The following TARS3 variants were observed in gnomAD, a reference collection of about 807,000 sequenced individuals.
The protein encoded by TARS3 is threonyl-tRNA synthetase 3, also known as threonine--tRNA ligase 2, cytoplasmic.
A neutral mutation model predicts 103.5 loss-of-function variants in TARS3; 94 were observed. The observed-to-expected ratio is 0.91, with a 90% CI of 0.77 to 1.08. The LOEUF is 1.08. TARS3 is among the 50% of genes least tolerant of loss of function. The pLI is 0.00. For synonymous variants in TARS3, 416 were observed against 355.4 expected (o/e 1.17, Z -1.92); for missense variants, 952 against 995.2 (o/e 0.96, Z 0.58).
At chr15:101,718,872 T>C (rs1900304479) in intron 3 of TARS3, among the ~76,000 whole-genome samples, 1 of 152,204 alleles carries the variant, frequency 6.6e-6, no homozygotes, top group Non-Finnish European at 1.5e-5. Flanking sequence ...AAACAAATCA[T>C]AAGCTCAGCT....
intron 5 of TARS3, among the ~76,000 whole-genome samples, chr15:101,710,035 C>A (rs1004511247): frequency 6.6e-6 from 1 of 152,216 alleles, no homozygotes; most frequent in Non-Finnish European, 1.5e-5. Context: ...TTCAGCACCC[C>A]CACCTGCCTC....
chr15:101,655,468 G>A (rs1271684779), intron 18 of TARS3, among the ~76,000 whole-genome samples: 3 of 139,452 alleles, frequency 2.2e-5, no homozygotes, highest in Non-Finnish European at 4.6e-5. Flanking sequence ...CCTGGCACTA[G>A]GGCGCAAATG....
intron 10 of TARS3, among the ~76,000 whole-genome samples, chr15:101,698,240 G>C (rs1899079060): frequency 6.6e-6 from 1 of 152,182 alleles, no homozygotes; most frequent in African/African-American, 2.4e-5. Flanking sequence ...GCTGAGGCAG[G>C]AGAATGGCGT....
chr15:101,724,259 G>A lies in TARS3; in HGVS notation c.129C>T (p.Cys43=), dbSNP rs771789959. The A allele has an allele frequency of 7.7e-6, 12 of 1,565,044 alleles. No individual in the cohort carries two copies. The South Asian group carries it at 1.1e-4, about 14-fold the overall frequency. Residue 43 remains cysteine (C), a synonymous_variant, in exon 1 of 19, where the codon TGC becomes TGT. Coordinates refer to ENST00000335968, the MANE Select transcript of TARS3 (RefSeq NM_152334.3). The stretch of plus-strand genomic sequence containing the variant: ...GCGTGAGGCACGGCCCCTCCGCCTG[G>A]CAGCTGTAGGGCGCGTTCAGCTGCT... ...RDEQLNAPYS[C]QAEGPCLTRE...
Position 101,661,763 on chromosome 15 carries a change from C to A in TARS3, c.2021G>T (p.Gly674Val), listed in dbSNP as rs757829248. 1 of 1,608,090 alleles carries A rather than the reference C, an allele frequency of 6.2e-7. No homozygotes were observed. Among genetic ancestry groups the A allele is most frequent in the Non-Finnish European group, 8.5e-7 (1 of 1,176,886 alleles). Residue 674 changes from glycine to valine, a missense_variant, in exon 16 of 19, where the codon GGA (glycine) becomes GTA (valine). Gly to Val is a moderately radical substitution (Grantham distance 109). Transcript: ENST00000335968. ...RPVIIHRAIL[G>V]SVERMIAILS... Reference sequence around the variant, plus strand: ...AATGGCTATCATTCTTTCCACTGATCCCAAAATGGCTCGATGAATGATCAC... The same window carrying A: ...AATGGCTATCATTCTTTCCACTGATACCAAAATGGCTCGATGAATGATCAC...
Position 101,708,985 on chromosome 15 carries a change from T to C in TARS3, c.813-75A>G, listed in dbSNP as rs1596322931. The C allele has an allele frequency of 2.1e-5, 20 of 952,536 alleles. No individual in the cohort carries two copies. The East Asian group carries it at 5.3e-4, about 25-fold the overall frequency. 59.0% of individuals were successfully genotyped at this position (952,536 alleles called of 1,614,324 possible). Reference sequence around the variant, plus strand: ...TCCCTCTTTCCTTTGTCCTGGAGCCTCAGCAGCCATAAATTTGAATCTGCT... The same window carrying C: ...TCCCTCTTTCCTTTGTCCTGGAGCCCCAGCAGCCATAAATTTGAATCTGCT... On this transcript the variant is annotated intron_variant, in intron 5 of 18. Coordinates refer to ENST00000335968, the MANE Select transcript of TARS3 (RefSeq NM_152334.3).
At chr15:101,706,485 T>C (rs775894066) in intron 6 of TARS3, among the ~76,000 whole-genome samples, 24 of 152,148 alleles carry the variant, frequency 1.6e-4, no homozygotes, top group Non-Finnish European at 3.2e-4. Context: ...AAAATGTAGC[T>C]GCCATAAAAT....
At chr15:101,723,789 G>T (rs1211019410) in intron 1 of TARS3, among the ~76,000 whole-genome samples, 1 of 152,236 alleles carries the variant, frequency 6.6e-6, no homozygotes, top group African/African-American at 2.4e-5. Context: ...AAACACTCCA[G>T]CATTTTTTCA....
intron 10 of TARS3, among the ~76,000 whole-genome samples, chr15:101,698,012 G>A (rs531089434): frequency 1.3e-5 from 2 of 152,330 alleles, no homozygotes; most frequent in South Asian, 2.1e-4. Flanking sequence ...GATTCCCCCA[G>A]CCTTCTACAG....
At chr15:101,700,643 C>CTTTTTTTTTTTTTTTTT (rs756944000) in intron 10 of TARS3, among the ~76,000 whole-genome samples, 1 of 145,074 alleles carries the variant, frequency 6.9e-6, no homozygotes, top group Non-Finnish European at 1.5e-5. Flanking sequence ...TAGTACCTCA[C>CTTTTTTTTTTTTTTTTT]TTTTTTTTTT....
At chr15:101,714,385 C>T (rs1009712257) in intron 4 of TARS3, among the ~76,000 whole-genome samples, 1 of 151,994 alleles carries the variant, frequency 6.6e-6, no homozygotes, top group Non-Finnish European at 1.5e-5. Context: ...AGGCATACTG[C>T]TCGAGCCCAG....
intron 7 of TARS3, among the ~76,000 whole-genome samples, chr15:101,704,990 A>G (rs1899481432): frequency 6.6e-6 from 1 of 152,222 alleles, no homozygotes; most frequent in Admixed American, 6.5e-5. Context: ...ATCTGTGGTT[A>G]TAATTAAATA....
intron 10 of TARS3, 21 bp downstream of exon 10, chr15:101,701,065 A>C (rs2141428677): frequency 1.4e-6 from 2 of 1,438,380 alleles, no homozygotes; most frequent in East Asian, 4.7e-5. Context: ...ATAAGAATAA[A>C]ACATTTTAAA....
chr15:101,698,560 G>T (rs1899096644), intron 10 of TARS3, among the ~76,000 whole-genome samples: 2 of 152,096 alleles, frequency 1.3e-5, no homozygotes, highest in Non-Finnish European at 2.9e-5. Flanking sequence ...TGACTACCAT[G>T]TGCCTCCTAC....
chr15:101,709,818 G>A (rs944092590), intron 5 of TARS3, among the ~76,000 whole-genome samples: 5 of 152,220 alleles, frequency 3.3e-5, no homozygotes, highest in South Asian at 4.1e-4. Flanking sequence ...AGAGATGAAC[G>A]GGATGTGATA....
intron 13 of TARS3, among the ~76,000 whole-genome samples, chr15:101,672,657 G>T (rs1235603637): frequency 6.6e-6 from 1 of 152,120 alleles, no homozygotes; most frequent in African/African-American, 2.4e-5. Context: ...CCTCAGTCAG[G>T]ATCTGATCTT....
At chr15:101,708,762 A>C (rs745409528) in intron 6 of TARS3, 31 bp downstream of exon 6, 1 of 1,374,808 alleles carries the variant, frequency 7.3e-7, no homozygotes, top group East Asian at 2.3e-5. Context: ...TAATATTCCT[A>C]GTAAGAGGTT....
chr15:101,660,681 G>T (rs770798416), intron 16 of TARS3, among the ~76,000 whole-genome samples: 5 of 152,162 alleles, frequency 3.3e-5, no homozygotes, highest in Non-Finnish European at 7.3e-5. Flanking sequence ...CATCCCGGGG[G>T]ATCACAATTA....
intron 5 of TARS3, among the ~76,000 whole-genome samples, chr15:101,709,595 A>G (rs938434760): frequency 1.3e-5 from 2 of 152,060 alleles, no homozygotes; most frequent in Admixed American, 1.3e-4. Context: ...CCTGCCTGTC[A>G]TGGCACACAC....
Sources: gnomAD v4.1 joint callset for allele counts (sites outside exome capture counted in the v4.1 genomes callset) on GRCh38, gnomAD v4.1.1 for gene constraint, MANE v1.5 for transcripts, NCBI Gene and HGNC (gene_info 2026-07-23, HGNC 2026-07-21) for gene names.